Variants in CNTNAP2 observed in about 807,000 individuals in gnomAD.
CNTNAP2 encodes the protein contactin-associated protein-like 2.
In CNTNAP2, 98 loss-of-function variants were observed where a neutral mutation model predicts 155.2. That is an observed-to-expected ratio of 0.63 (90% CI 0.54 to 0.75). The LOEUF (loss-of-function observed/expected upper bound fraction) is 0.75, where lower values mean the gene tolerates loss of function less well. Ranked by LOEUF, CNTNAP2 falls within the 30% of genes least tolerant of loss-of-function variation. CNTNAP2 has a pLI of 0.00. For missense variants in CNTNAP2, 1,727 were observed against 1,688.1 expected, an observed-to-expected ratio of 1.02 and a Z score of -0.40; for synonymous variants, 651 against 631.2, an observed-to-expected ratio of 1.03 and a Z score of -0.47.
intron 4 of CNTNAP2, among the ~76,000 whole-genome samples, chr7:147,053,250 A>C (rs1799504097): frequency 6.6e-6 from 1 of 152,118 alleles, no homozygotes. Context: ...TTACCATTTG[A>C]GGGTGACATT....
chr7:146,973,364 A>G (rs117168797), intron 3 of CNTNAP2, among the ~76,000 whole-genome samples: 1 of 152,156 alleles, frequency 6.6e-6, no homozygotes, highest in Non-Finnish European at 1.5e-5. Context: ...ATAGATACAC[A>G]TGGTTTGTGG....
intron 3 of CNTNAP2, among the ~76,000 whole-genome samples, chr7:147,029,118 C>G (rs926621262): frequency 2.0e-5 from 3 of 151,932 alleles, no homozygotes; most frequent in African/African-American, 7.3e-5. Flanking sequence ...CACCCGCCAC[C>G]ACGCCCAGCT....
intron 15 of CNTNAP2, among the ~76,000 whole-genome samples, chr7:148,099,747 T>C (rs1034195487): frequency 6.6e-6 from 1 of 151,534 alleles, no homozygotes; most frequent in African/African-American, 2.4e-5. Context: ...GTTCCTAGCA[T>C]AGCACACAGC....
chr7:146,497,924 C>T (rs1375731761), intron 1 of CNTNAP2, among the ~76,000 whole-genome samples: 1 of 142,978 alleles, frequency 7.0e-6, no homozygotes, highest in African/African-American at 2.6e-5. Context: ...AACATATATT[C>T]TAACATATAC....
intron 9 of CNTNAP2, among the ~76,000 whole-genome samples, chr7:147,391,402 T>C (rs1796716175): frequency 6.6e-6 from 1 of 152,158 alleles, no homozygotes; most frequent in Non-Finnish European, 1.5e-5. Context: ...TACAGCTGCA[T>C]AGACTCCTGA....
At chr7:147,856,005 A>G (rs546093105) in intron 13 of CNTNAP2, among the ~76,000 whole-genome samples, 12 of 152,272 alleles carry the variant, frequency 7.9e-5, no homozygotes, top group African/African-American at 2.9e-4. Context: ...CTCCTGACTC[A>G]ATAAAGAATT....
At chr7:146,918,893 A>T (rs545584006) in intron 3 of CNTNAP2, among the ~76,000 whole-genome samples, 11 of 152,068 alleles carry the variant, frequency 7.2e-5, no homozygotes, top group Non-Finnish European at 1.3e-4. Flanking sequence ...TCATTTTTCT[A>T]TTTCTTTGTC....
At chr7:146,502,237 A>G (rs202086470) in intron 1 of CNTNAP2, among the ~76,000 whole-genome samples, 54 of 67,320 alleles carry the variant, frequency 8.0e-4, no homozygotes, top group African/African-American at 2.8e-3. Context: ...ATATATATAT[A>G]TATATATATA....
intron 13 of CNTNAP2, among the ~76,000 whole-genome samples, chr7:147,656,223 C>T (rs1326216644): frequency 6.6e-6 from 1 of 152,218 alleles, no homozygotes. Flanking sequence ...TCCATATCAG[C>T]AATAAAGCTG....
intron 3 of CNTNAP2, among the ~76,000 whole-genome samples, chr7:147,037,450 T>C (rs1799173050): frequency 6.7e-6 from 1 of 149,402 alleles, no homozygotes; most frequent in African/African-American, 2.4e-5. Context: ...TTGTTTTTTT[T>C]TTCCCTTTTT....
intron 16 of CNTNAP2, among the ~76,000 whole-genome samples, chr7:148,135,795 G>T (rs1189381699): frequency 7.7e-6 from 1 of 129,946 alleles, no homozygotes; most frequent in African/African-American, 2.9e-5. Flanking sequence ...GTTGCAGTGA[G>T]CCAAGATAGT....
chr7:148,118,978 C>G (rs1350865220), intron 16 of CNTNAP2, among the ~76,000 whole-genome samples: 1 of 152,204 alleles, frequency 6.6e-6, no homozygotes, highest in Non-Finnish European at 1.5e-5. Flanking sequence ...GTTAGCTGCA[C>G]AAGACTTGAG....
intron 6 of CNTNAP2, among the ~76,000 whole-genome samples, chr7:147,128,055 T>C (rs1801276468): frequency 6.6e-6 from 1 of 152,018 alleles, no homozygotes; most frequent in Admixed American, 6.6e-5. Flanking sequence ...CATTGTCTTA[T>C]TTCTTAAGAT....
chr7:147,610,915 T>C (rs148396646), intron 12 of CNTNAP2, among the ~76,000 whole-genome samples: 1 of 152,156 alleles, frequency 6.6e-6, no homozygotes, highest in African/African-American at 2.4e-5. Context: ...ATTTTTTGTA[T>C]TTTTGGTGGA....
At chr7:146,610,364 G>C (rs948523576) in intron 1 of CNTNAP2, among the ~76,000 whole-genome samples, 1 of 152,102 alleles carries the variant, frequency 6.6e-6, no homozygotes, top group Non-Finnish European at 1.5e-5. Flanking sequence ...ACATTTGACA[G>C]GTAAGGAGAA....
At chr7:147,547,303 G>C (rs1799754593) in intron 11 of CNTNAP2, among the ~76,000 whole-genome samples, 1 of 152,152 alleles carries the variant, frequency 6.6e-6, no homozygotes, top group Non-Finnish European at 1.5e-5. Flanking sequence ...CTGGTTGCTT[G>C]ACTGATGCAG....
chr7:147,812,056 A>G (rs1798187946), intron 13 of CNTNAP2, among the ~76,000 whole-genome samples: 1 of 152,210 alleles, frequency 6.6e-6, no homozygotes, highest in Admixed American at 6.5e-5. Context: ...ATGGCTTATA[A>G]TTTTAAATAG....
intron 2 of CNTNAP2, among the ~76,000 whole-genome samples, chr7:146,781,146 T>C (rs1397973713): frequency 1.3e-5 from 2 of 148,604 alleles, no homozygotes; most frequent in African/African-American, 2.5e-5. Flanking sequence ...GAGAATGGCC[T>C]GAACCCGGGA....
intron 2 of CNTNAP2, among the ~76,000 whole-genome samples, chr7:146,784,273 C>A (rs770441934): frequency 1.2e-4 from 19 of 152,102 alleles, no homozygotes; most frequent in Non-Finnish European, 2.2e-4. Flanking sequence ...TCACATTGAT[C>A]CCTGCTGCCG....
Sources: gnomAD v4.1 joint callset for allele counts (sites outside exome capture counted in the v4.1 genomes callset) on GRCh38, gnomAD v4.1.1 for gene constraint, MANE v1.5 for transcripts, NCBI Gene and HGNC (gene_info 2026-07-23, HGNC 2026-07-21) for gene names.